GARIN1A: variants seen among roughly 807,000 people sequenced by gnomAD.
The protein encoded by GARIN1A is Golgi-associated RAB2 interactor protein 1A.
At chr7:128,689,219 C>T in the GARIN1A span, among the ~76,000 whole-genome samples, 2 of 152,168 alleles carry the variant, frequency 1.3e-5, no homozygotes, top group East Asian at 1.9e-4. Flanking sequence ...TGCCCAGCCG[C>T]CACCCCGTCT....
the GARIN1A span, among the ~76,000 whole-genome samples, chr7:128,689,602 GC>G: frequency 7.7e-6 from 1 of 130,352 alleles, no homozygotes; most frequent in East Asian, 2.2e-4. Context: ...CCCGGCAGCC[GC>G]CCCGTCTGAG....
the GARIN1A span, among the ~76,000 whole-genome samples, chr7:128,679,610 C>A: frequency 6.6e-6 from 1 of 152,176 alleles, no homozygotes; most frequent in Non-Finnish European, 1.5e-5. Flanking sequence ...ACACATAAGG[C>A]CTTTCCAGGT....
At chr7:128,707,689 A>G in the GARIN1A span, among the ~76,000 whole-genome samples, 1 of 152,064 alleles carries the variant, frequency 6.6e-6, no homozygotes, top group African/African-American at 2.4e-5. Context: ...CTGGGTTCAA[A>G]TGATCCTCCC....
the GARIN1A span, chr7:128,675,804 G>T: frequency 6.2e-7 from 1 of 1,613,832 alleles, no homozygotes; most frequent in East Asian, 2.2e-5. Flanking sequence ...CTGGCCCCAG[G>T]GTCCATTTAC....
the GARIN1A span, among the ~76,000 whole-genome samples, chr7:128,680,573 T>C: frequency 6.6e-6 from 1 of 151,126 alleles, no homozygotes; most frequent in Admixed American, 6.6e-5. Flanking sequence ...TCTTTTTATT[T>C]TTTTTTTGGA....
chr7:128,708,928 A>C, the GARIN1A span: 4 of 152,308 alleles, frequency 2.6e-5, no homozygotes, highest in African/African-American at 9.6e-5. Context: ...CCCAGTGAAA[A>C]GCTACATTTC....
At chr7:128,676,740 G>A in the GARIN1A span, among the ~76,000 whole-genome samples, 1 of 151,610 alleles carries the variant, frequency 6.6e-6, no homozygotes, top group Non-Finnish European at 1.5e-5. Context: ...GACACAGTAA[G>A]TCAGGATATA....
At chr7:128,687,199 C>A in the GARIN1A span, 1 of 152,216 alleles carries the variant, frequency 6.6e-6, no homozygotes, top group Non-Finnish European at 1.5e-5. Context: ...TGTATTATAG[C>A]ATTTTTATAG....
chr7:128,702,221 A>C, the GARIN1A span, among the ~76,000 whole-genome samples: 18 of 152,238 alleles, frequency 1.2e-4, no homozygotes, highest in Non-Finnish European at 2.6e-4. Flanking sequence ...TGCACAAAGA[A>C]ATGAAGCACA....
At chr7:128,674,095 A>G in the GARIN1A span, among the ~76,000 whole-genome samples, 1 of 151,992 alleles carries the variant, frequency 6.6e-6, no homozygotes, top group Admixed American at 6.6e-5. Flanking sequence ...GGGTTTCACC[A>G]TGTTGGCCAA....
At chr7:128,706,434 T>C in the GARIN1A span, among the ~76,000 whole-genome samples, 9 of 152,166 alleles carry the variant, frequency 5.9e-5, no homozygotes, top group African/African-American at 2.2e-4. Context: ...CACACATCCA[T>C]ATATGCACAG....
chr7:128,673,640 T>A, the GARIN1A span, among the ~76,000 whole-genome samples: 5 of 152,178 alleles, frequency 3.3e-5, no homozygotes, highest in Admixed American at 1.3e-4. Flanking sequence ...GGGCTTAATT[T>A]GGAGACTCTT....
chr7:128,672,151 G>A, the GARIN1A span: 7 of 433,216 alleles, frequency 1.6e-5, no homozygotes, highest in Non-Finnish European at 2.8e-5. Flanking sequence ...AGGGAGAAAA[G>A]AGCCTGGCAC....
the GARIN1A span, among the ~76,000 whole-genome samples, chr7:128,693,236 A>G: frequency 6.6e-6 from 1 of 152,282 alleles, no homozygotes; most frequent in Non-Finnish European, 1.5e-5. Flanking sequence ...AACACACCAT[A>G]TATCCATTAC....
chr7:128,673,176 A>G, the GARIN1A span, among the ~76,000 whole-genome samples: 4 of 152,192 alleles, frequency 2.6e-5, no homozygotes, highest in African/African-American at 9.7e-5. Flanking sequence ...TTAATCAGCC[A>G]GTAAGCACAC....
chr7:128,689,755 CG>C, the GARIN1A span, among the ~76,000 whole-genome samples: 1 of 116,342 alleles, frequency 8.6e-6, no homozygotes, highest in Admixed American at 9.0e-5. Context: ...GGTCAGCCCC[CG>C]CCGGCCAGCC....
chr7:128,694,326 G>A, the GARIN1A span, among the ~76,000 whole-genome samples: 1 of 152,108 alleles, frequency 6.6e-6, no homozygotes, highest in Non-Finnish European at 1.5e-5. Context: ...GAGGTCAGGA[G>A]TTCAAGACTA....
chr7:128,678,863 T>A, the GARIN1A span, among the ~76,000 whole-genome samples: 16 of 151,976 alleles, frequency 1.1e-4, no homozygotes, highest in African/African-American at 3.6e-4. Context: ...AGTAAATGTT[T>A]TAATGCATTT....
At chr7:128,677,770 ACTGC>A in the GARIN1A span, 1 of 1,613,930 alleles carries the variant, frequency 6.2e-7, no homozygotes, top group Non-Finnish European at 8.5e-7. Flanking sequence ...AAATTCACTC[ACTGC>A]CTGGTGCCCA....
Sources: allele counts gnomAD v4.1 joint callset (sites outside exome capture counted in the v4.1 genomes callset), GRCh38; gene constraint gnomAD v4.1.1; transcripts MANE v1.5; gene names NCBI Gene and HGNC (gene_info 2026-07-23, HGNC 2026-07-21).